GUCY1A2: variants seen among roughly 807,000 people sequenced by gnomAD.
The protein encoded by GUCY1A2 is guanylate cyclase soluble subunit alpha-2.
Under a neutral mutation model 63.5 loss-of-function variants are expected in GUCY1A2, and 27 were observed. That is an observed-to-expected ratio of 0.43 (90% confidence interval 0.31 to 0.59). GUCY1A2 has a LOEUF of 0.59. Among genes scored for constraint, GUCY1A2 ranks in the 20% least tolerant of loss-of-function variants. The probability of loss-of-function intolerance (pLI) is 0.11; values close to 1 mark genes in which losing one functional copy is unlikely to be tolerated. For missense variants in GUCY1A2, 768 were observed against 913.3 expected (o/e 0.84, Z 2.05); for synonymous variants, 364 against 343.5 (o/e 1.06, Z -0.66).
intron 4 of GUCY1A2, among the ~76,000 whole-genome samples, chr11:106,874,508 G>C (rs1228285845): frequency 6.6e-6 from 1 of 152,132 alleles, no homozygotes; most frequent in Non-Finnish European, 1.5e-5. Flanking sequence ...ACACTGCATA[G>C]TGACTGCTCT....
At chr11:106,889,828 AG>A (rs1859950399) in intron 4 of GUCY1A2, among the ~76,000 whole-genome samples, 1 of 152,190 alleles carries the variant, frequency 6.6e-6, no homozygotes, top group South Asian at 2.1e-4. Context: ...AGTGTGATAA[AG>A]CATATTAATT....
At chr11:106,781,112 C>CAAAAAAAAAAAAAAA (rs565279937) in intron 5 of GUCY1A2, among the ~76,000 whole-genome samples, 1 of 89,030 alleles carries the variant, frequency 1.1e-5, no homozygotes, top group African/African-American at 4.1e-5. Flanking sequence ...AAACAGACTA[C>CAAAAAAAAAAAAAAA]AAAAAAAAAA....
rs1862381036 is a variant in GUCY1A2, at chr11:106,678,414, C to T, written c.*9135G>A. On this transcript the variant is annotated 3_prime_UTR_variant, in exon 8 of 8. Transcript: ENST00000526355. ...TTTATGGAAGTTTTAATTTAAAAGG[C>T]CAAAAAAGGAGACAGCCTTTCAAGT... 9.5e-6 allele frequency: 2 copies of T among 210,902 alleles called. No individual in the cohort carries two copies. Among genetic ancestry groups the T allele is most frequent in the African/African-American group, 4.5e-5 (2 of 44,006 alleles). The allele number at this position is 210,902 out of a possible 1,614,324, so 13.1% of individuals were successfully genotyped here. A position where few individuals can be genotyped will look rare whatever the true frequency, so the allele number is the denominator to read the frequency against.
chr11:106,962,077 C>T (rs1861065030), intron 3 of GUCY1A2, among the ~76,000 whole-genome samples: 1 of 152,198 alleles, frequency 6.6e-6, no homozygotes, highest in South Asian at 2.1e-4. Flanking sequence ...TTTACTCCAT[C>T]CCACAAATCC....
chr11:106,857,776 T>C (rs938122685), intron 4 of GUCY1A2, among the ~76,000 whole-genome samples: 1 of 152,210 alleles, frequency 6.6e-6, no homozygotes, highest in African/African-American at 2.4e-5. Flanking sequence ...ACTATTTACA[T>C]AGCATTTACA....
In GUCY1A2 at chr11:106,776,423, T is replaced by C. The variant is rs765047004; in HGVS notation, c.1836+16A>G. 2.0e-6 allele frequency: 3 copies of C among 1,495,010 alleles called. No individual in the cohort carries two copies. Among genetic ancestry groups the C allele is most frequent in the South Asian group, 2.4e-5 (2 of 84,626 alleles). The allele number at this position is 1,495,010 out of a possible 1,614,324, so 92.6% of individuals were successfully genotyped here. A position where few individuals can be genotyped will look rare whatever the true frequency, so the allele number is the denominator to read the frequency against. ...TGGTGCACTTACTACTCAAACTAGA[T>C]TGTTGGGAGGGTTACCTGAATCGGT... On this transcript the variant is annotated intron_variant, in intron 6 of 7. Transcript: ENST00000526355.
Position 106,873,624 on chromosome 11 carries a change from T to A in GUCY1A2, c.1207-63146A>T, listed in dbSNP as rs192292076. 5.2e-3 allele frequency among the ~76,000 whole-genome samples: 795 copies of A among 152,270 alleles called. 9 individuals carry two copies. The highest frequency in any genetic ancestry group is 9.5e-3 in the Non-Finnish European group (647 of 67,990). The stretch of plus-strand genomic sequence containing the variant: ...CACTTTTTCATGGGGTTGTCCATTT[T>A]TTTCTTGTAAATTTGTTTAATTCCT... On this transcript the variant is annotated intron_variant, in intron 4 of 7. Transcript: ENST00000526355.
At chr11:106,905,258 T>G (rs1238753279) in intron 4 of GUCY1A2, among the ~76,000 whole-genome samples, 2 of 152,114 alleles carry the variant, frequency 1.3e-5, no homozygotes, top group Non-Finnish European at 2.9e-5. Context: ...CCCAGAGCAT[T>G]AATTAATATG....
intron 2 of GUCY1A2, among the ~76,000 whole-genome samples, chr11:106,980,677 C>G (rs1353461843): frequency 6.6e-6 from 1 of 152,158 alleles, no homozygotes; most frequent in African/African-American, 2.4e-5. Context: ...ACAGAGCAAT[C>G]TGTCTAAGCT....
chr11:106,966,819 C>T (rs918989278), intron 3 of GUCY1A2, among the ~76,000 whole-genome samples: 1 of 151,948 alleles, frequency 6.6e-6, no homozygotes, highest in Non-Finnish European at 1.5e-5. Flanking sequence ...AAAAATAGCA[C>T]TAAAGCAAAA....
chr11:106,731,307 G>T (rs1863501032), intron 6 of GUCY1A2, among the ~76,000 whole-genome samples: 1 of 152,128 alleles, frequency 6.6e-6, no homozygotes, highest in African/African-American at 2.4e-5. Flanking sequence ...CTCAAAAGAT[G>T]CAGAAAAGGC....
intron 4 of GUCY1A2, among the ~76,000 whole-genome samples, chr11:106,900,236 T>C (rs1305332941): frequency 6.6e-6 from 1 of 152,108 alleles, no homozygotes; most frequent in Non-Finnish European, 1.5e-5. Context: ...CAGGCTGGAG[T>C]ACAGCGGCAC....
chr11:106,911,981 T>C (rs1057083832), intron 4 of GUCY1A2, among the ~76,000 whole-genome samples: 5 of 151,986 alleles, frequency 3.3e-5, no homozygotes, highest in African/African-American at 9.7e-5. Context: ...TTGGAAGAAC[T>C]AATATGTTTA....
At chr11:106,763,726 A>G (rs1864109691) in intron 6 of GUCY1A2, among the ~76,000 whole-genome samples, 2 of 152,140 alleles carry the variant, frequency 1.3e-5, no homozygotes, top group South Asian at 4.1e-4. Flanking sequence ...TTTGGCACTC[A>G]TGCAGTTCAG....
At chr11:107,001,855 C>T (rs557950038) in intron 1 of GUCY1A2, among the ~76,000 whole-genome samples, 2 of 151,984 alleles carry the variant, frequency 1.3e-5, no homozygotes, top group Non-Finnish European at 2.9e-5. Context: ...CCCATCTCTA[C>T]CAAAAATACA....
chr11:106,740,104 T>G (rs1863665609), intron 6 of GUCY1A2, among the ~76,000 whole-genome samples: 2 of 151,554 alleles, frequency 1.3e-5, no homozygotes, highest in Non-Finnish European at 2.9e-5. Context: ...GTTCAAGTGA[T>G]TCTCCTGCCT....
At chr11:106,933,638 G>T (rs924485132) in intron 4 of GUCY1A2, among the ~76,000 whole-genome samples, 1 of 152,116 alleles carries the variant, frequency 6.6e-6, no homozygotes, top group Admixed American at 6.6e-5. Context: ...AAAAGACACT[G>T]CACTCATATG....
intron 6 of GUCY1A2, among the ~76,000 whole-genome samples, chr11:106,712,227 GATA>G (rs1300136355): frequency 4.6e-5 from 7 of 151,882 alleles, no homozygotes; most frequent in Non-Finnish European, 1.0e-4. Context: ...ATTTATTTGG[GATA>G]ATTTCTATTG....
rs533928821 is a variant in GUCY1A2 at position 106,923,932 on chromosome 11, A to T, written c.1206+15528T>A. 3.2e-3 allele frequency among the ~76,000 whole-genome samples: 480 copies of T among 152,310 alleles called. 2 individuals carry two copies. The highest frequency in any genetic ancestry group is 0.011 in the African/African-American group (467 of 41,582). On this transcript the variant is annotated intron_variant, in intron 4 of 7. Transcript: ENST00000526355. ...TTTGTAAAATAAAACTAAAATGACA[A>T]AGATAAGTCTTGCCATCCATCTATT...
Sources: gnomAD v4.1 joint callset for allele counts (sites outside exome capture counted in the v4.1 genomes callset) on GRCh38, gnomAD v4.1.1 for gene constraint, MANE v1.5 for transcripts, NCBI Gene and HGNC (gene_info 2026-07-23, HGNC 2026-07-21) for gene names.